NALF1: variants seen among roughly 807,000 people sequenced by gnomAD.
The protein encoded by NALF1 is NALCN channel auxiliary factor 1.
A neutral mutation model predicts 48.4 loss-of-function variants in NALF1; 3 were observed. That is an observed-to-expected ratio of 0.06 (90% CI 0.03 to 0.16). NALF1 has a LOEUF of 0.16. NALF1 is among the 10% of genes least tolerant of loss of function. The pLI is 1.00. For synonymous variants in NALF1, 262 were observed against 245.7 expected (o/e 1.07, Z -0.62); for missense variants, 526 against 571.5 (o/e 0.92, Z 0.81).
intron 2 of NALF1, among the ~76,000 whole-genome samples, chr13:107,186,934 G>A (rs1206334774): frequency 6.6e-6 from 1 of 152,138 alleles, no homozygotes; most frequent in Non-Finnish European, 1.5e-5. Flanking sequence ...CCATGTGGTT[G>A]CTATACTGAT....
chr13:107,307,071 A>T (rs1881951206), intron 1 of NALF1, among the ~76,000 whole-genome samples: 1 of 152,218 alleles, frequency 6.6e-6, no homozygotes, highest in South Asian at 2.1e-4. Context: ...ACACGTTTTC[A>T]TATTTATAAG....
chr13:107,807,562 T>C (rs749187740), intron 1 of NALF1, among the ~76,000 whole-genome samples: 1 of 152,206 alleles, frequency 6.6e-6, no homozygotes, highest in Non-Finnish European at 1.5e-5. Flanking sequence ...TACCTAACTA[T>C]TGTGATAACA....
rs1385731623 is a variant in NALF1, at chr13:107,617,620, C to CA, written c.915+248061dup. 7.2e-5 allele frequency among the ~76,000 whole-genome samples: 11 copies of CA among 152,292 alleles called. No homozygotes were observed. In the East Asian group the frequency reaches 1.9e-3, roughly 27 times the overall value. ...TGGGTTGAGAAGACAACAACTAACT[C>CA]AAAAGCCACCAACTGAATGAAAACA... On this transcript the variant is annotated intron_variant, in intron 1 of 2. Transcript: ENST00000375915.
At chr13:107,697,707 T>C (rs1881730534) in intron 1 of NALF1, among the ~76,000 whole-genome samples, 1 of 152,076 alleles carries the variant, frequency 6.6e-6, no homozygotes, top group Non-Finnish European at 1.5e-5. Flanking sequence ...TACACACAAA[T>C]ATGAAAGTAA....
intron 1 of NALF1, among the ~76,000 whole-genome samples, chr13:107,302,212 C>T (rs1169653467): frequency 6.6e-6 from 1 of 152,186 alleles, no homozygotes; most frequent in Admixed American, 6.5e-5. Context: ...GCAGAGCCCA[C>T]ACCAGGAGAA....
chr13:107,585,274 T>G (rs1878422443), intron 1 of NALF1, among the ~76,000 whole-genome samples: 1 of 152,050 alleles, frequency 6.6e-6, no homozygotes, highest in Non-Finnish European at 1.5e-5. Context: ...GATCACACTT[T>G]TAACCAACCA....
At chr13:107,710,617 A>G (rs1875544270) in intron 1 of NALF1, among the ~76,000 whole-genome samples, 3 of 149,296 alleles carry the variant, frequency 2.0e-5, no homozygotes, top group South Asian at 4.2e-4. Flanking sequence ...ACACTTTTAA[A>G]CCCTCAGATC....
At chr13:107,614,201 TC>T (rs1159479771) in intron 1 of NALF1, among the ~76,000 whole-genome samples, 1 of 152,164 alleles carries the variant, frequency 6.6e-6, no homozygotes, top group Non-Finnish European at 1.5e-5. Context: ...GATCAAAAAA[TC>T]TTGAAACACA....
chr13:107,287,967 C>T (rs1881532019), intron 1 of NALF1, among the ~76,000 whole-genome samples: 1 of 151,948 alleles, frequency 6.6e-6, no homozygotes, highest in Non-Finnish European at 1.5e-5. Flanking sequence ...CTTGGCCTCC[C>T]AAAGTGCTGG....
intron 1 of NALF1, among the ~76,000 whole-genome samples, chr13:107,552,346 A>G (rs1877317330): frequency 6.6e-6 from 1 of 152,190 alleles, no homozygotes; most frequent in African/African-American, 2.4e-5. Context: ...CATGGTTACT[A>G]TTTAGTTTCA....
chr13:107,460,757 T>C (rs1884904565), intron 1 of NALF1, among the ~76,000 whole-genome samples: 1 of 152,224 alleles, frequency 6.6e-6, no homozygotes, highest in Non-Finnish European at 1.5e-5. Flanking sequence ...ATTTTGCTTT[T>C]CTCTCAATTC....
At chr13:107,670,343 A>C (rs946042446) in intron 1 of NALF1, among the ~76,000 whole-genome samples, 1 of 152,070 alleles carries the variant, frequency 6.6e-6, no homozygotes, top group Non-Finnish European at 1.5e-5. Flanking sequence ...AGAACTTAGG[A>C]AGGGTCGTAG....
intron 1 of NALF1, among the ~76,000 whole-genome samples, chr13:107,424,424 C>T (rs143624885): frequency 0.013 from 1,973 of 152,228 alleles, 21 homozygotes; most frequent in South Asian, 0.029. Flanking sequence ...CAGGCAGGAG[C>T]CACCGCCCCT....
intron 1 of NALF1, among the ~76,000 whole-genome samples, chr13:107,700,313 C>A (rs78428083): frequency 2.0e-5 from 3 of 151,934 alleles, no homozygotes; most frequent in African/African-American, 7.2e-5. Flanking sequence ...GAAACAAAAA[C>A]CAATGGAACA....
intron 1 of NALF1, among the ~76,000 whole-genome samples, chr13:107,571,097 A>T (rs540224554): frequency 2.6e-5 from 4 of 152,372 alleles, no homozygotes; most frequent in African/African-American, 9.6e-5. Flanking sequence ...CTGTTGCAGC[A>T]TAATAAGAAA....
chr13:107,446,433 ACAT>A (rs1195904200), intron 1 of NALF1, among the ~76,000 whole-genome samples: 18 of 150,732 alleles, frequency 1.2e-4, no homozygotes, highest in African/African-American at 3.7e-4. Flanking sequence ...ACACACACAC[ACAT>A]ATTTTTACTA....
intron 1 of NALF1, among the ~76,000 whole-genome samples, chr13:107,234,681 G>T (rs56286225): frequency 0.28 from 41,516 of 150,804 alleles, 7,058 homozygotes; most frequent in Non-Finnish European, 0.37. Context: ...CCAAGTCCTT[G>T]CTACTGTATC....
chr13:107,471,467 G>C (rs1885099565), intron 1 of NALF1, among the ~76,000 whole-genome samples: 1 of 151,816 alleles, frequency 6.6e-6, no homozygotes. Flanking sequence ...CTGGTCAGGA[G>C]GCAATTACAG....
rs568236166 is a variant in NALF1 at position 107,749,271 on chromosome 13, T to C, written c.915+116411A>G. On this transcript the variant is annotated intron_variant, in intron 1 of 2. Transcript: ENST00000375915. Reference sequence around the variant, plus strand: ...TCTGCATTTTAAGGCAGTTTTCTCTTAGTAAAATGCAAAGGAGCTAGAGAA... The same window carrying C: ...TCTGCATTTTAAGGCAGTTTTCTCTCAGTAAAATGCAAAGGAGCTAGAGAA... 7.2e-5 allele frequency among the ~76,000 whole-genome samples: 11 copies of C among 152,114 alleles called. 1 individual carries two copies. In the South Asian group the frequency reaches 2.3e-3, roughly 32 times the overall value.
Sources: allele counts gnomAD v4.1 joint callset (sites outside exome capture counted in the v4.1 genomes callset), GRCh38; gene constraint gnomAD v4.1.1; transcripts MANE v1.5; gene names NCBI Gene and HGNC (gene_info 2026-07-23, HGNC 2026-07-21).